CDH12: variants seen among roughly 807,000 people sequenced by gnomAD.
The protein encoded by CDH12 is cadherin 12.
Under a neutral mutation model 74.1 loss-of-function variants are expected in CDH12, and 41 were observed. The ratio of observed to expected loss-of-function variants is 0.55; its 90% CI spans 0.43 to 0.72. The LOEUF is 0.72. CDH12 is among the 30% of genes least tolerant of loss of function. CDH12 has a pLI of 0.00. For synonymous variants in CDH12, 399 were observed against 355.0 expected, an observed-to-expected ratio of 1.12 and a Z score of -1.39; for missense variants, 945 against 977.2, an observed-to-expected ratio of 0.97 and a Z score of 0.44.
In CDH12 at chr5:21,882,867, A is replaced by T. The variant is rs1235916507; in HGVS notation, c.527-28077T>A. 3.8e-6 allele frequency: 6 copies of T among 1,595,976 alleles called. No individual in the cohort carries two copies. In the African/African-American group the frequency reaches 8.1e-5, roughly 21 times the overall value. On this transcript the variant is annotated intron_variant, in intron 6 of 14. Coordinates refer to ENST00000382254, the MANE Select transcript of CDH12 (RefSeq NM_004061.5). ...TGACTTGAAGGATAAATATAAAAAC[A>T]TTGGAGCTAAACTTGTTCAAGATGT...
intron 6 of CDH12, among the ~76,000 whole-genome samples, chr5:21,951,229 T>C (rs756078350): frequency 7.9e-5 from 12 of 152,098 alleles, no homozygotes; most frequent in Admixed American, 2.0e-4. Flanking sequence ...CAATCATTTC[T>C]TAAAAAGATT....
chr5:21,837,326 T>C (rs966889232), intron 8 of CDH12, among the ~76,000 whole-genome samples: 2 of 152,222 alleles, frequency 1.3e-5, no homozygotes, highest in East Asian at 1.9e-4. Flanking sequence ...CAAATGCCTA[T>C]GCCATTTACA....
chr5:21,837,718 C>G (rs1200567090), intron 8 of CDH12, among the ~76,000 whole-genome samples: 1 of 151,940 alleles, frequency 6.6e-6, no homozygotes, highest in Non-Finnish European at 1.5e-5. Context: ...TCTGTTTTTT[C>G]CTCTAAAGGA....
intron 1 of CDH12, among the ~76,000 whole-genome samples, chr5:22,617,959 G>T (rs1169733378): frequency 6.6e-6 from 1 of 152,016 alleles, no homozygotes; most frequent in Non-Finnish European, 1.5e-5. Flanking sequence ...TGATATTATT[G>T]ATGTTAAACT....
rs558703855 is a variant in CDH12, at chr5:22,308,083, C to T, written c.-332-95440G>A. ...TTTTAGTAGAAACGGGGTTTCACCA[C>T]GTTAGCCAGGATGGTCTTGATCTCC... On this transcript the variant is annotated intron_variant, in intron 3 of 14. Coordinates refer to ENST00000382254, the MANE Select transcript of CDH12 (RefSeq NM_004061.5). 1.8e-3 allele frequency among the ~76,000 whole-genome samples: 280 copies of T among 151,666 alleles called. 2 individuals are homozygous for T. Among genetic ancestry groups the T allele is most frequent in the African/African-American group, 5.4e-3 (224 of 41,374 alleles).
intron 5 of CDH12, among the ~76,000 whole-genome samples, chr5:22,071,392 T>G (rs1263703884): frequency 2.6e-5 from 4 of 152,062 alleles, no homozygotes; most frequent in African/African-American, 9.7e-5. Flanking sequence ...ACAAAACCAT[T>G]AAAACTATTT....
intron 1 of CDH12, among the ~76,000 whole-genome samples, chr5:22,684,666 T>C (rs562181789): frequency 2.0e-5 from 3 of 152,230 alleles, no homozygotes; most frequent in Non-Finnish European, 4.4e-5. Flanking sequence ...TTTTGTAAAA[T>C]GAAACTAGAG....
chr5:22,845,170 T>G (rs1280549495), intron 1 of CDH12, among the ~76,000 whole-genome samples: 2 of 152,170 alleles, frequency 1.3e-5, no homozygotes, highest in African/African-American at 2.4e-5. Context: ...AACTTGTTTT[T>G]TGTAGAAGGA....
chr5:22,229,137 CT>C (rs1238818727), intron 3 of CDH12, among the ~76,000 whole-genome samples: 372 of 139,290 alleles, frequency 2.7e-3, no homozygotes, highest in Non-Finnish European at 2.5e-3. Flanking sequence ...AATCCTTTTT[CT>C]TTTTTTTTTT....
chr5:21,977,683 A>G (rs1016939531), intron 5 of CDH12, among the ~76,000 whole-genome samples: 10 of 152,174 alleles, frequency 6.6e-5, no homozygotes, highest in Admixed American at 6.6e-4. Flanking sequence ...GTCTTTAGTT[A>G]TATCCAAGTT....
intron 6 of CDH12, among the ~76,000 whole-genome samples, chr5:21,909,673 C>A (rs970202123): frequency 1.2e-4 from 19 of 152,020 alleles, no homozygotes; most frequent in African/African-American, 4.6e-4. Flanking sequence ...GAAATAAGGA[C>A]AATTAATGAT....
At chr5:21,848,415 A>G (rs1750292030) in intron 7 of CDH12, among the ~76,000 whole-genome samples, 1 of 152,034 alleles carries the variant, frequency 6.6e-6, no homozygotes, top group African/African-American at 2.4e-5. Context: ...CAGTGAGAAT[A>G]TAAGTTTCTG....
At chr5:22,449,971 T>G (rs955488708) in intron 2 of CDH12, among the ~76,000 whole-genome samples, 1 of 152,002 alleles carries the variant, frequency 6.6e-6, no homozygotes, top group Non-Finnish European at 1.5e-5. Context: ...TTTAAATGTC[T>G]ACAAAACTGC....
intron 13 of CDH12, among the ~76,000 whole-genome samples, chr5:21,757,187 T>G (rs1744447533): frequency 6.6e-6 from 1 of 152,134 alleles, no homozygotes; most frequent in Non-Finnish European, 1.5e-5. Context: ...ATTTATTTAT[T>G]TATTTTGAGA....
intron 6 of CDH12, among the ~76,000 whole-genome samples, chr5:21,873,819 T>C (rs1049852096): frequency 1.3e-5 from 2 of 151,162 alleles, no homozygotes; most frequent in African/African-American, 4.9e-5. Flanking sequence ...CAATGAGTGT[T>C]GTTTCCCTCC....
chr5:21,928,084 A>T (rs1206442348), intron 6 of CDH12, among the ~76,000 whole-genome samples: 1 of 152,114 alleles, frequency 6.6e-6, no homozygotes, highest in East Asian at 1.9e-4. Flanking sequence ...AAAAAAATAA[A>T]AGAATGATGG....
At chr5:22,097,516 T>C (rs990887945) in intron 4 of CDH12, among the ~76,000 whole-genome samples, 1 of 152,108 alleles carries the variant, frequency 6.6e-6, no homozygotes, top group South Asian at 2.1e-4. Context: ...ATCTTTAAAC[T>C]CCCCAACTCT....
intron 1 of CDH12, among the ~76,000 whole-genome samples, chr5:22,835,546 G>C (rs1033945472): frequency 6.6e-6 from 1 of 152,090 alleles, no homozygotes; most frequent in Non-Finnish European, 1.5e-5. Flanking sequence ...CTAATAAGAA[G>C]ATGGGTTTAT....
rs559915326 is a variant in CDH12 at position 22,348,581 on chromosome 5, C to T, written c.-333+56676G>A. ...CATGGACACACACATATATAATCCA[C>T]GATGAGACAGATTTTATACTTGAAA... On this transcript the variant is annotated intron_variant, in intron 3 of 14. Transcript: ENST00000382254. Among the ~76,000 whole-genome samples, 43 of 152,234 alleles carry T rather than the reference C, an allele frequency of 2.8e-4. No homozygotes were observed. The South Asian group carries it at 7.7e-3, about 27-fold the overall frequency.
Sources: gnomAD v4.1 joint callset for allele counts (sites outside exome capture counted in the v4.1 genomes callset) on GRCh38, gnomAD v4.1.1 for gene constraint, MANE v1.5 for transcripts, NCBI Gene and HGNC (gene_info 2026-07-23, HGNC 2026-07-21) for gene names.